Variants in PTPN3 observed in about 807,000 individuals in gnomAD.
PTPN3 encodes tyrosine-protein phosphatase non-receptor type 3.
A neutral mutation model predicts 132.7 loss-of-function variants in PTPN3; 96 were observed. The ratio of observed to expected loss-of-function variants is 0.72; its 90% CI spans 0.61 to 0.86. The LOEUF is 0.86. PTPN3 is among the 40% of genes least tolerant of loss of function. The pLI is 0.00. For missense variants in PTPN3, 1,125 were observed against 1,159.6 expected (o/e 0.97, Z 0.43); for synonymous variants, 398 against 429.0 (o/e 0.93, Z 0.89).
intron 19 of PTPN3, among the ~76,000 whole-genome samples, chr9:109,395,665 T>C (rs1431806218): frequency 6.6e-6 from 1 of 151,976 alleles, no homozygotes; most frequent in Non-Finnish European, 1.5e-5. Flanking sequence ...CACATGTCTG[T>C]AGTCACAGCT....
chr9:109,434,389 G>A (rs1843878488), intron 9 of PTPN3, among the ~76,000 whole-genome samples: 1 of 143,266 alleles, frequency 7.0e-6, no homozygotes, highest in African/African-American at 2.6e-5. Flanking sequence ...GCTCACTGCA[G>A]CCTCAACCTC....
chr9:109,395,825 T>C (rs1840545358), intron 19 of PTPN3, among the ~76,000 whole-genome samples: 2 of 149,442 alleles, frequency 1.3e-5, no homozygotes, highest in Admixed American at 1.4e-4. Flanking sequence ...TCTCTCTATA[T>C]ATATGTATAT....
At chr9:109,459,548 C>G (rs960504586) in intron 2 of PTPN3, among the ~76,000 whole-genome samples, 25 of 152,180 alleles carry the variant, frequency 1.6e-4, no homozygotes, top group African/African-American at 3.4e-4. Flanking sequence ...TTGCCAGGCT[C>G]TAAGACTTTT....
intron 11 of PTPN3, among the ~76,000 whole-genome samples, chr9:109,427,811 T>C (rs1191433126): frequency 1.3e-5 from 2 of 152,014 alleles, no homozygotes; most frequent in African/African-American, 2.4e-5. Context: ...CTTTGAAAAA[T>C]TGGGAAATTG....
At chr9:109,534,481 T>C in the PTPN3 span, 1 of 1,079,326 alleles carries the variant, frequency 9.3e-7, no homozygotes, top group East Asian at 3.1e-5. Context: ...TCTTGGCTCT[T>C]AAAAAGTTAG....
chr9:109,408,790 A>ATATAC (rs1293697190), intron 16 of PTPN3, among the ~76,000 whole-genome samples: 1 of 59,212 alleles, frequency 1.7e-5, no homozygotes, highest in Non-Finnish European at 3.4e-5. Context: ...TTAAAAAAAA[A>ATATAC]AAAAAAATAT....
At chr9:109,380,147 G>A (rs1488260702) in intron 25 of PTPN3, among the ~76,000 whole-genome samples, 1 of 152,128 alleles carries the variant, frequency 6.6e-6, no homozygotes, top group Admixed American at 6.5e-5. Flanking sequence ...AAATACCTAA[G>A]AAACATATTG....
In PTPN3 at chr9:109,445,062, C is replaced by A. The variant is rs530761330; in HGVS notation, c.466+178G>T. On this transcript the variant is annotated intron_variant, in intron 7 of 25. Coordinates refer to ENST00000374541, the MANE Select transcript of PTPN3 (RefSeq NM_002829.4). ...AACCACCTTCCTTAATCTAACATCC[C>A]CATGCTACAGGAGAGTGCCAGTCTG... Among the ~76,000 whole-genome samples the A allele has an allele frequency of 2.0e-3, 298 of 152,324 alleles. 1 individual carries two copies. The highest frequency in any genetic ancestry group is 7.0e-3 in the African/African-American group (292 of 41,564).
intron 15 of PTPN3, 37 bp downstream of exon 15, chr9:109,410,192 G>C (rs778391256): frequency 6.2e-6 from 10 of 1,611,612 alleles, no homozygotes; most frequent in Non-Finnish European, 8.5e-6. Context: ...GGGAAGCCCT[G>C]GGTGTGTGGA....
At chr9:109,410,501 TG>T in intron 14 of PTPN3, 86 bp from the exon 15 acceptor site, 1 of 1,427,296 alleles carries the variant, frequency 7.0e-7, no homozygotes, top group Non-Finnish European at 9.7e-7. Context: ...GCCTGGCAGC[TG>T]GGGGCTGTAT....
At chr9:109,420,730 G>T in intron 13 of PTPN3, 130 bp from the exon 14 acceptor site, 1 of 964,772 alleles carries the variant, frequency 1.0e-6, no homozygotes, top group Non-Finnish European at 1.5e-6. Flanking sequence ...GACATTCAGA[G>T]CCGGTTAACT....
At chr9:109,393,806 T>C (rs1840340876) in intron 19 of PTPN3, among the ~76,000 whole-genome samples, 1 of 152,218 alleles carries the variant, frequency 6.6e-6, no homozygotes, top group Non-Finnish European at 1.5e-5. Flanking sequence ...TTTTGCAAAT[T>C]GTATTGTTTT....
intron 12 of PTPN3, 92 bp downstream of exon 12, chr9:109,426,858 C>T (rs1843315890): frequency 7.2e-7 from 1 of 1,392,146 alleles, no homozygotes; most frequent in Non-Finnish European, 9.8e-7. Context: ...TATGGGTTTC[C>T]TCCTCTGCCT....
At chr9:109,483,891 C>G (rs1479023999) in intron 1 of PTPN3, among the ~76,000 whole-genome samples, 1 of 152,190 alleles carries the variant, frequency 6.6e-6, no homozygotes. Flanking sequence ...GAATGCCGCT[C>G]AAAGTGCAGT....
chr9:109,510,161 A>G, the PTPN3 span, among the ~76,000 whole-genome samples: 1 of 152,248 alleles, frequency 6.6e-6, no homozygotes, highest in Non-Finnish European at 1.5e-5. Flanking sequence ...ACTGTGCTAT[A>G]TAAAGAAAAG....
intron 16 of PTPN3, among the ~76,000 whole-genome samples, chr9:109,409,136 C>T (rs1841870680): frequency 6.6e-6 from 1 of 152,042 alleles, no homozygotes; most frequent in South Asian, 2.1e-4. Flanking sequence ...GTCATTAACC[C>T]ACCAGTAAAC....
At chr9:109,440,446 T>C (rs1236960035) in intron 7 of PTPN3, among the ~76,000 whole-genome samples, 1 of 152,154 alleles carries the variant, frequency 6.6e-6, no homozygotes, top group African/African-American at 2.4e-5. Context: ...GTGAAGAAAT[T>C]GCGGTCTGGA....
At chr9:109,400,251 T>C (rs1179214499) in intron 19 of PTPN3, among the ~76,000 whole-genome samples, 2 of 152,336 alleles carry the variant, frequency 1.3e-5, no homozygotes, top group East Asian at 3.9e-4. Flanking sequence ...TAGGCAGACA[T>C]TGGGCATGTT....
At chr9:109,431,686 T>C (rs1218150072) in intron 10 of PTPN3, among the ~76,000 whole-genome samples, 1 of 152,270 alleles carries the variant, frequency 6.6e-6, no homozygotes, top group Admixed American at 6.5e-5. Flanking sequence ...GAAACTTAAC[T>C]GAACAGCGTC....
Sources: gnomAD v4.1 joint callset for allele counts (sites outside exome capture counted in the v4.1 genomes callset) on GRCh38, gnomAD v4.1.1 for gene constraint, MANE v1.5 for transcripts, NCBI Gene and HGNC (gene_info 2026-07-23, HGNC 2026-07-21) for gene names.